Variants in RP1 observed in about 807,000 individuals in gnomAD.
The protein encoded by RP1 is RP1 axonemal microtubule associated.
A neutral mutation model predicts 14.8 loss-of-function variants in RP1; 16 were observed. The ratio of observed to expected loss-of-function variants is 1.08; its 90% CI spans 0.73 to 1.65. RP1 has a LOEUF of 1.65. Ranked by LOEUF, RP1 falls within the 40% of genes most tolerant of loss-of-function variation. RP1 has a pLI of 0.00. For missense variants in RP1, 2,631 were observed against 2,535.0 expected (o/e 1.04, Z -0.81); for synonymous variants, 876 against 883.6 (o/e 0.99, Z 0.15).
chr8:54,865,811 A>C lies in RP1; in HGVS notation c.4070-24A>C, dbSNP rs896434522. ...TATTTTTAAGCTAAAGAGTTAAATA[A>C]ATCTCCTTTGTCAACTGACACAGGT... On this transcript the variant is annotated intron_variant, in intron 27 of 28. Coordinates refer to the RP1 transcript ENST00000637698. 10 of 986,684 alleles carry C rather than the reference A, an allele frequency of 1.0e-5. No individual in the cohort carries two copies. The African/African-American group carries it at 1.7e-4, about 17-fold the overall frequency. 61.1% of individuals were successfully genotyped at this position (986,684 alleles called of 1,614,324 possible).
intron 25 of RP1, chr8:54,837,703 G>C (rs1187939391): frequency 8.7e-7 from 1 of 1,143,006 alleles, no homozygotes; most frequent in African/African-American, 1.6e-5. Context: ...GATGTGTATT[G>C]AAAATTAAAA....
intron 23 of RP1, among the ~76,000 whole-genome samples, chr8:54,780,468 A>G (rs1441403709): frequency 6.6e-6 from 1 of 152,244 alleles, no homozygotes; most frequent in East Asian, 1.9e-4. Flanking sequence ...CTGTAAGTCA[A>G]CTTGTCAACA....
intron 12 of RP1, among the ~76,000 whole-genome samples, chr8:54,691,419 A>G (rs1469612218): frequency 6.6e-6 from 1 of 152,112 alleles, no homozygotes; most frequent in Non-Finnish European, 1.5e-5. Context: ...TAGAAGGATT[A>G]GATTTGAAAG....
At position 54,673,858 on chromosome 8, in the gene RP1, C is replaced by CT; in HGVS notation, c.1337dup (p.Leu447ProfsTer11). The CT allele has an allele frequency of 6.5e-7, 1 of 1,535,568 alleles. No individual in the cohort carries two copies. Among genetic ancestry groups the CT allele is most frequent in the Non-Finnish European group, 8.7e-7 (1 of 1,146,548 alleles). On this transcript the variant is annotated frameshift_variant, in exon 8 of 23. Transcript: ENST00000636932. LOFTEE classifies it high-confidence loss of function. ...TTTTTGATTCGTTATAGACTGACACCTTTTTCCTGGAGGCTGTGCACCTTG... is the reference window on the plus strand; with the variant it reads ...TTTTTGATTCGTTATAGACTGACACCTTTTTTCCTGGAGGCTGTGCACCTTG...
chr8:54,644,628 C>T (rs1806511468), intron 3 of RP1, among the ~76,000 whole-genome samples: 1 of 152,198 alleles, frequency 6.6e-6, no homozygotes, highest in Non-Finnish European at 1.5e-5. Context: ...GGCCTATTTC[C>T]AGAGCCTATC....
In RP1 at chr8:54,726,280, A is replaced by G. The variant is rs551794938; in HGVS notation, c.2390-65A>G. ...TTAAACTTGCATAGCTGAACATATG[A>G]TGAGTATTCTGAGAAGAAACAAGTG... is the stretch of plus-strand genomic sequence containing the variant. On this transcript the variant is annotated intron_variant, in intron 16 of 22. Coordinates refer to the RP1 transcript ENST00000636932. 1,187 of 1,461,764 alleles carry G rather than the reference A, an allele frequency of 8.1e-4. 3 individuals carry two copies. Among genetic ancestry groups the G allele is most frequent in the Non-Finnish European group, 1.0e-3 (1,131 of 1,113,484 alleles). 90.5% of individuals were successfully genotyped at this position (1,461,764 alleles called of 1,614,324 possible).
At chr8:54,721,240 G>A (rs1808529652) in intron 16 of RP1, among the ~76,000 whole-genome samples, 1 of 152,176 alleles carries the variant, frequency 6.6e-6, no homozygotes, top group South Asian at 2.1e-4. Context: ...GTATACCTGA[G>A]TTTACTGCCA....
intron 25 of RP1, among the ~76,000 whole-genome samples, chr8:54,847,024 T>G (rs1811938252): frequency 6.6e-6 from 1 of 152,140 alleles, no homozygotes; most frequent in Non-Finnish European, 1.5e-5. Context: ...GCCTTTCCTC[T>G]CCTCCTGGCT....
intron 1 of RP1, among the ~76,000 whole-genome samples, chr8:54,584,498 C>G (rs1021541595): frequency 6.6e-6 from 1 of 152,172 alleles, no homozygotes; most frequent in Non-Finnish European, 1.5e-5. Context: ...GTGGAGAGTT[C>G]TGCAGATGTC....
chr8:54,744,778 C>A (rs945810106), intron 19 of RP1, among the ~76,000 whole-genome samples: 1 of 152,184 alleles, frequency 6.6e-6, no homozygotes, highest in Admixed American at 6.5e-5. Flanking sequence ...TGCTCTGTGG[C>A]AAAATTCAGT....
At chr8:54,837,537 G>T in exon 25 of RP1, 1 of 1,231,772 alleles carries the variant, frequency 8.1e-7, no homozygotes, top group Non-Finnish European at 1.0e-6. Context: ...TCTGGAAGAA[G>T]TTAGACTTGA....
chr8:54,650,630 T>TCCTTTCCCTTTCTCTTC (rs1255035814), intron 4 of RP1, among the ~76,000 whole-genome samples: 1 of 151,492 alleles, frequency 6.6e-6, no homozygotes, highest in Non-Finnish European at 1.5e-5. Flanking sequence ...TGTCTTCCCT[T>TCCTTTCCCTTTCTCTTC]CCTTTCCCTT....
At chr8:54,644,786 A>G (rs1209777473) in intron 3 of RP1, among the ~76,000 whole-genome samples, 1 of 152,182 alleles carries the variant, frequency 6.6e-6, no homozygotes, top group Non-Finnish European at 1.5e-5. Flanking sequence ...TTGGCTAGAA[A>G]TCTGAAATCA....
chr8:54,713,762 G>A (rs2043775), intron 15 of RP1, among the ~76,000 whole-genome samples: 123,100 of 152,214 alleles, frequency 0.81, 50,339 homozygotes, highest in African/African-American at 0.94. Flanking sequence ...ATTATAAATC[G>A]TGTTTTACCT....
chr8:54,830,313 G>C (rs1811488952), intron 24 of RP1, among the ~76,000 whole-genome samples: 1 of 151,120 alleles, frequency 6.6e-6, no homozygotes, highest in South Asian at 2.1e-4. Context: ...TTAAGTTCTG[G>C]GGTACATGTG....
chr8:54,793,909 A>G (rs879805050), intron 24 of RP1, among the ~76,000 whole-genome samples: 15 of 152,064 alleles, frequency 9.9e-5, no homozygotes, highest in Middle Eastern at 3.4e-3. Context: ...ATAATCTTAC[A>G]TATAGAAAAT....
intron 24 of RP1, among the ~76,000 whole-genome samples, chr8:54,806,087 C>T (rs1018620818): frequency 6.6e-5 from 10 of 152,078 alleles, no homozygotes; most frequent in South Asian, 2.1e-4. Context: ...GGTGCAATCT[C>T]GGCTCACTGC....
At chr8:54,717,240 A>G (rs1221268433) in intron 15 of RP1, among the ~76,000 whole-genome samples, 2 of 152,162 alleles carry the variant, frequency 1.3e-5, no homozygotes, top group Non-Finnish European at 2.9e-5. Flanking sequence ...TTAATTTACT[A>G]CAGATTTGTT....
At chr8:54,673,741 A>AAACAACAAC (rs4014240) in intron 7 of RP1, 128 of 813,880 alleles carry the variant, frequency 1.6e-4, no homozygotes, top group Admixed American at 1.6e-3. Flanking sequence ...GCCTGTCTCA[A>AAACAACAAC]AACAACAACA....
Sources: allele counts gnomAD v4.1 joint callset (sites outside exome capture counted in the v4.1 genomes callset), GRCh38; gene constraint gnomAD v4.1.1; transcripts MANE v1.5; gene names NCBI Gene and HGNC (gene_info 2026-07-23, HGNC 2026-07-21).